Variants in MEFV observed in about 807,000 individuals in gnomAD.
MEFV encodes the protein pyrin.
In MEFV, 60 loss-of-function variants were observed where a neutral mutation model predicts 62.5. That is an observed-to-expected ratio of 0.96 (90% confidence interval 0.78 to 1.19). MEFV has a LOEUF of 1.19. Ranked by LOEUF, MEFV falls within the 50% of genes most tolerant of loss-of-function variation. The pLI, the probability that MEFV is intolerant of heterozygous loss-of-function variation, is 0.00. For synonymous variants in MEFV, 500 were observed against 415.2 expected (o/e 1.20, Z -2.48); for missense variants, 1,169 against 1,004.5 (o/e 1.16, Z -2.21).
chr16:3,244,739 A>C, intron 6 of MEFV, 151 bp from the exon 7 acceptor site: 1 of 712,812 alleles, frequency 1.4e-6, no homozygotes, highest in South Asian at 1.5e-5. Flanking sequence ...CAGAGGTCTA[A>C]ATGCTGGTCC....
At chr16:3,256,055 TGTTCCAGCTCCTGCCTTTC>T (rs1416379319) in intron 1 of MEFV, among the ~76,000 whole-genome samples, 2 of 152,166 alleles carry the variant, frequency 1.3e-5, no homozygotes, top group African/African-American at 4.8e-5. Context: ...AAAGAACAGG[TGTTCCAGCTCCTGCCTTTC>T]GTGACCCTGA....
At chr16:3,254,828 CCA>C (rs1959093291) in intron 1 of MEFV, 38 bp from the exon 2 acceptor site, 3 of 1,605,912 alleles carry the variant, frequency 1.9e-6, no homozygotes, top group Non-Finnish European at 1.7e-6. Context: ...TGAAGCTGTC[CCA>C]CGTTTAGGGC....
At chr16:3,243,760 C>A in intron 9 of MEFV, 66 bp from the exon 10 acceptor site, 2 of 1,610,488 alleles carry the variant, frequency 1.2e-6, no homozygotes, top group Non-Finnish European at 1.7e-6. Context: ...GTTCTCCCCA[C>A]CTGCAGGAAA....
intron 7 of MEFV, 68 bp downstream of exon 7, chr16:3,244,405 C>T: frequency 1.9e-6 from 3 of 1,592,790 alleles, no homozygotes; most frequent in Non-Finnish European, 2.6e-6. Flanking sequence ...AAGTGAGGGG[C>T]TCTGGGCTAT....
At chr16:3,251,023 C>CAAA (rs58529756) in intron 2 of MEFV, among the ~76,000 whole-genome samples, 9 of 49,370 alleles carry the variant, frequency 1.8e-4, no homozygotes, top group East Asian at 6.6e-4. Flanking sequence ...GACTCCATCT[C>CAAA]AAAAAAAAAA....
At chr16:3,251,905 C>G (rs762303696) in intron 2 of MEFV, 9 of 280,046 alleles carry the variant, frequency 3.2e-5, no homozygotes, top group Non-Finnish European at 4.6e-5. Flanking sequence ...AGAAGACACC[C>G]AGGAATCCCA....
chr16:3,256,609 G>A lies in MEFV; in HGVS notation c.-22C>T, dbSNP rs368149369. 5.6e-6 allele frequency: 9 copies of A among 1,613,890 alleles called. No individual in the cohort carries two copies. The highest frequency in any genetic ancestry group is 1.6e-4 in the Middle Eastern group (1 of 6,084). ...CCATGGTGCTGAGCAGGAGAGGCTC[G>A]AGCCAGCTGTCTGGCTTCTGGTAGG... On this transcript the variant is annotated 5_prime_UTR_variant, in exon 1 of 10. Transcript: ENST00000219596.
At chr16:3,248,862 A>C in intron 4 of MEFV, 47 bp downstream of exon 4, 1 of 1,611,522 alleles carries the variant, frequency 6.2e-7, no homozygotes. Flanking sequence ...CACTCTTCCC[A>C]CCTTCCTCCC....
At chr16:3,255,138 A>G (rs1237500075) in intron 1 of MEFV, among the ~76,000 whole-genome samples, 1 of 152,036 alleles carries the variant, frequency 6.6e-6, no homozygotes, top group Non-Finnish European at 1.5e-5. Context: ...CCAACATGGC[A>G]AAACCCCGTT....
At position 3,256,357 on chromosome 16, in the gene MEFV, G is replaced by T. The variant is rs139899201; in HGVS notation, c.231C>A (p.Ile77=). ...GCTCCTCGGCCAGCAGGCGCTGGTT[G>T]ATGGCCCGCAGGACCTGCAGGGTGA... ...VQLTLQVLRA[I]NQRLLAEELH... Residue 77 remains isoleucine (I), a synonymous_variant, in exon 1 of 10, where the codon ATC becomes ATA. Transcript: ENST00000219596. The T allele has an allele frequency of 5.3e-5, 85 of 1,613,998 alleles. No homozygotes were observed. In the African/African-American group the frequency reaches 9.7e-4, roughly 18 times the overall value.
At chr16:3,244,426 G>T in intron 7 of MEFV, 47 bp downstream of exon 7, 1 of 1,596,738 alleles carries the variant, frequency 6.3e-7, no homozygotes, top group East Asian at 2.2e-5. Flanking sequence ...GTGGATCTTA[G>T]GGAGGAAGTG....
rs1013247080 is a variant in MEFV, at chr16:3,243,098, G to C, written c.*43C>G. 5.0e-6 allele frequency: 8 copies of C among 1,603,066 alleles called. No individual in the cohort carries two copies. Among genetic ancestry groups the C allele is most frequent in the African/African-American group, 2.7e-5 (2 of 74,664 alleles). On this transcript the variant is annotated 3_prime_UTR_variant, in exon 10 of 10. Transcript: ENST00000219596. ...CCGTGACTATTGAGTGTGAATGCAAGATACAAGGCCAGAAGCAGGAAGAGA... is the reference window on the plus strand; with the variant it reads ...CCGTGACTATTGAGTGTGAATGCAACATACAAGGCCAGAAGCAGGAAGAGA...
At chr16:3,248,370 T>C (rs1480205748) in intron 4 of MEFV, 1 of 160,426 alleles carries the variant, frequency 6.2e-6, no homozygotes, top group Non-Finnish European at 1.4e-5. Context: ...GGCGGGCGGA[T>C]CACGAGTTCA....
At chr16:3,252,447 G>A (rs1365410187) in intron 2 of MEFV, among the ~76,000 whole-genome samples, 1 of 151,870 alleles carries the variant, frequency 6.6e-6, no homozygotes, top group South Asian at 2.1e-4. Context: ...AGCAAATTTA[G>A]TATTTTTAGT....
chr16:3,251,756 T>G (rs1959036939), intron 2 of MEFV, among the ~76,000 whole-genome samples: 1 of 152,332 alleles, frequency 6.6e-6, no homozygotes, highest in South Asian at 2.1e-4. Context: ...TTCTACCTGG[T>G]GTCCATAAAC....
At chr16:3,251,869 C>A in intron 2 of MEFV, 1 of 192,110 alleles carries the variant, frequency 5.2e-6, no homozygotes, top group South Asian at 7.5e-5. Flanking sequence ...GGGTCTAAGC[C>A]TGCATCAGAT....
rs1383383637 is a variant in MEFV at position 3,248,664 on chromosome 16, CTCTACCA to C, written c.1356+238_1356+244del. On this transcript the variant is annotated intron_variant, in intron 4 of 9. Coordinates refer to ENST00000219596, the MANE Select transcript of MEFV (RefSeq NM_000243.3). ...GCAGTAGTCACCGGCATAGGTTGCT[CTCTACCA>C]TCTTCTGGTGAGTATGAGAAAGCAT... 134 of 1,264,036 alleles carry C rather than the reference CTCTACCA, an allele frequency of 1.1e-4. No homozygotes were observed. The East Asian group carries it at 3.8e-3, about 36-fold the overall frequency. The allele number at this position is 1,264,036 out of a possible 1,614,324, so 78.3% of individuals were successfully genotyped here. A position where few individuals can be genotyped will look rare whatever the true frequency, so the allele number is the denominator to read the frequency against.
intron 4 of MEFV, 76 bp from the exon 5 acceptor site, chr16:3,247,322 C>T (rs1958957642): frequency 7.4e-7 from 1 of 1,344,136 alleles, no homozygotes; most frequent in South Asian, 1.2e-5. Flanking sequence ...CCCCAGAAGC[C>T]CACCTCCTGG....
intron 8 of MEFV, 21 bp from the exon 9 acceptor site, chr16:3,243,913 G>C (rs762132098): frequency 1.9e-6 from 3 of 1,613,678 alleles, no homozygotes; most frequent in Non-Finnish European, 2.5e-6. Context: ...AAATCAGATA[G>C]GGAAAAAAAT....
Sources: gnomAD v4.1 joint callset for allele counts (sites outside exome capture counted in the v4.1 genomes callset) on GRCh38, gnomAD v4.1.1 for gene constraint, MANE v1.5 for transcripts, NCBI Gene and HGNC (gene_info 2026-07-23, HGNC 2026-07-21) for gene names.